TENM3: variants seen among roughly 807,000 people sequenced by gnomAD.
The protein encoded by TENM3 is teneurin-3.
Under a neutral mutation model 255.1 loss-of-function variants are expected in TENM3, and 63 were observed. The observed-to-expected ratio is 0.25, with a 90% CI of 0.20 to 0.30. The LOEUF is 0.30. Among genes scored for constraint, TENM3 ranks in the 10% least tolerant of loss-of-function variants. The pLI is 1.00. For missense variants in TENM3, 2,929 were observed against 3,461.1 expected (o/e 0.85, Z 3.86); for synonymous variants, 1,306 against 1,322.3 (o/e 0.99, Z 0.27).
intron 4 of TENM3, among the ~76,000 whole-genome samples, chr4:182,605,294 T>A (rs1440937618): frequency 6.6e-6 from 1 of 152,196 alleles, no homozygotes. Context: ...GTTGACTGAC[T>A]GATGCTGATG....
chr4:182,659,451 A>G (rs1230868407), intron 6 of TENM3, among the ~76,000 whole-genome samples: 1 of 152,196 alleles, frequency 6.6e-6, no homozygotes, highest in East Asian at 1.9e-4. Flanking sequence ...AAAATATAGT[A>G]TATATAGGGT....
chr4:182,585,406 T>A (rs1215245805), intron 3 of TENM3, among the ~76,000 whole-genome samples: 1 of 152,186 alleles, frequency 6.6e-6, no homozygotes, highest in Admixed American at 6.5e-5. Context: ...AGCTAGGGCC[T>A]CTAAGGAAGT....
chr4:182,442,869 CACACACACACAT>C (rs1772617018), intron 3 of TENM3, among the ~76,000 whole-genome samples: 1 of 150,890 alleles, frequency 6.6e-6, no homozygotes, highest in Non-Finnish European at 1.5e-5. Context: ...CACACACACA[CACACACACACAT>C]ATATATATAT....
At chr4:182,616,520 AAT>A (rs1491146264) in intron 4 of TENM3, among the ~76,000 whole-genome samples, 66 of 49,988 alleles carry the variant, frequency 1.3e-3, no homozygotes, top group East Asian at 6.8e-3. Flanking sequence ...CTTAAAGTAT[AAT>A]AAAAAAAAAA....
the TENM3 span, among the ~76,000 whole-genome samples, chr4:181,694,107 G>C: frequency 6.6e-6 from 1 of 152,122 alleles, no homozygotes; most frequent in Non-Finnish European, 1.5e-5. Flanking sequence ...CATATGTAAA[G>C]TTTTTAGAAC....
chr4:182,605,498 A>AAG (rs1208185541), intron 4 of TENM3, among the ~76,000 whole-genome samples: 1 of 151,866 alleles, frequency 6.6e-6, no homozygotes, highest in Non-Finnish European at 1.5e-5. Flanking sequence ...AAAAAAAAAA[A>AAG]AAAGGGAAAG....
chr4:181,579,016 G>A, the TENM3 span, among the ~76,000 whole-genome samples: 637 of 152,224 alleles, frequency 4.2e-3, 3 homozygotes, highest in African/African-American at 0.015. Flanking sequence ...GTGAGACAGC[G>A]CTCATGAGAA....
At chr4:181,914,331 C>A in the TENM3 span, among the ~76,000 whole-genome samples, 1 of 152,206 alleles carries the variant, frequency 6.6e-6, no homozygotes, top group Non-Finnish European at 1.5e-5. Context: ...AATGGCCTCA[C>A]AACCTATCTC....
the TENM3 span, among the ~76,000 whole-genome samples, chr4:181,502,965 C>G: frequency 1.3e-5 from 2 of 152,204 alleles, no homozygotes; most frequent in African/African-American, 4.8e-5. Flanking sequence ...TATCAGACTG[C>G]AGACCACTCG....
chr4:181,544,575 G>A, the TENM3 span, among the ~76,000 whole-genome samples: 3 of 151,784 alleles, frequency 2.0e-5, no homozygotes, highest in Admixed American at 6.6e-5. Flanking sequence ...CTGTCAGTTG[G>A]CATGCATTCA....
At chr4:182,270,375 G>T (rs1231692095) in intron 1 of TENM3, among the ~76,000 whole-genome samples, 1 of 152,152 alleles carries the variant, frequency 6.6e-6, no homozygotes, top group African/African-American at 2.4e-5. Context: ...TCTGCTATCT[G>T]TCATGTGATG....
In TENM3 at chr4:182,731,130, C is replaced by T. The variant is rs759622910; in HGVS notation, c.2958C>T (p.Pro986=). ...CTCCTGAAGACAGTCCCATCATTCC[C>T]GAAACACAGGTAAAATATTCTCACA... ...RSSPEDSPII[P]ETQVLHEETT... The change falls in exon 16 of 28, where the codon CCC becomes CCT. Residue 986 remains proline, a synonymous_variant. Coordinates refer to ENST00000511685, the MANE Select transcript of TENM3 (RefSeq NM_001080477.4). 36 of 1,613,088 alleles carry T rather than the reference C, an allele frequency of 2.2e-5. No homozygotes were observed. The highest frequency in any genetic ancestry group is 1.1e-4 in the East Asian group (5 of 44,884).
the TENM3 span, among the ~76,000 whole-genome samples, chr4:181,767,190 T>G: frequency 7.0e-6 from 1 of 143,028 alleles, no homozygotes; most frequent in African/African-American, 2.6e-5. Flanking sequence ...AGGCGGAGCT[T>G]GCAGTGAGCC....
the TENM3 span, among the ~76,000 whole-genome samples, chr4:181,828,265 A>G: frequency 6.6e-6 from 1 of 152,146 alleles, no homozygotes; most frequent in Admixed American, 6.5e-5. Context: ...CTGCGGCACC[A>G]TCCTGGTGAA....
chr4:181,636,689 G>A, the TENM3 span, among the ~76,000 whole-genome samples: 1,443 of 152,240 alleles, frequency 9.5e-3, 28 homozygotes, highest in African/African-American at 0.033. Flanking sequence ...AGCGCCCATC[G>A]TGTCTTACTG....
chr4:181,673,556 C>A, the TENM3 span, among the ~76,000 whole-genome samples: 1 of 152,026 alleles, frequency 6.6e-6, no homozygotes, highest in Non-Finnish European at 1.5e-5. Context: ...GGGGAGAGAG[C>A]AATTGCAACG....
chr4:181,902,718 A>G, the TENM3 span, among the ~76,000 whole-genome samples: 2 of 152,150 alleles, frequency 1.3e-5, no homozygotes, highest in Non-Finnish European at 2.9e-5. Context: ...TAGAAGTTGA[A>G]CAATGAGAGC....
At chr4:182,013,614 T>A in the TENM3 span, among the ~76,000 whole-genome samples, 1 of 152,164 alleles carries the variant, frequency 6.6e-6, no homozygotes, top group Admixed American at 6.5e-5. Context: ...GGGACCAGCC[T>A]GGAACTGAAA....
intron 7 of TENM3, among the ~76,000 whole-genome samples, chr4:182,678,013 G>A (rs1269093013): frequency 6.6e-6 from 1 of 151,882 alleles, no homozygotes; most frequent in Non-Finnish European, 1.5e-5. Context: ...GAATATTTAT[G>A]ATTTATATAT....
Sources: gnomAD v4.1 joint callset for allele counts (sites outside exome capture counted in the v4.1 genomes callset) on GRCh38, gnomAD v4.1.1 for gene constraint, MANE v1.5 for transcripts, NCBI Gene and HGNC (gene_info 2026-07-23, HGNC 2026-07-21) for gene names.